The following LIN7A variants were observed in gnomAD, a reference collection of about 807,000 sequenced individuals.
LIN7A encodes the protein protein lin-7 homolog A.
Under a neutral mutation model 29.8 loss-of-function variants are expected in LIN7A, and 25 were observed. That is an observed-to-expected ratio of 0.84 (90% CI 0.61 to 1.17). The LOEUF (loss-of-function observed/expected upper bound fraction) is 1.17. Ranked by LOEUF, LIN7A falls within the 50% of genes most tolerant of loss-of-function variation. The pLI, the probability that LIN7A is intolerant of heterozygous loss-of-function variation, is 0.00. For synonymous variants in LIN7A, 118 were observed against 107.5 expected (o/e 1.10, Z -0.60); for missense variants, 239 against 287.0 (o/e 0.83, Z 1.21).
chr12:80,887,738 T>G (rs766835005), intron 2 of LIN7A, among the ~76,000 whole-genome samples: 4 of 152,138 alleles, frequency 2.6e-5, no homozygotes, highest in Non-Finnish European at 4.4e-5. Context: ...CCCACTAGAC[T>G]GTGAGTTCCA....
At chr12:80,910,567 C>T (rs1182259329) in intron 1 of LIN7A, among the ~76,000 whole-genome samples, 1 of 152,068 alleles carries the variant, frequency 6.6e-6, no homozygotes, top group Admixed American at 6.6e-5. Context: ...TTTTACTTTG[C>T]TAGGTGTTTT....
chr12:80,931,400 G>A (rs1169088757), intron 1 of LIN7A, among the ~76,000 whole-genome samples: 1 of 152,126 alleles, frequency 6.6e-6, no homozygotes, highest in East Asian at 1.9e-4. Context: ...CAGCACTTTG[G>A]GAGGCTGAGG....
intron 4 of LIN7A, chr12:80,832,695 A>G (rs139411412): frequency 1.0e-4 from 44 of 433,848 alleles, no homozygotes; most frequent in African/African-American, 3.8e-4. Flanking sequence ...AGCTACAAAC[A>G]TGTTGATGCT....
intron 1 of LIN7A, among the ~76,000 whole-genome samples, chr12:80,921,697 G>A (rs949774220): frequency 3.3e-5 from 5 of 152,082 alleles, no homozygotes; most frequent in African/African-American, 1.2e-4. Flanking sequence ...TTAGGGGCTA[G>A]GGCTTCAACA....
intron 2 of LIN7A, among the ~76,000 whole-genome samples, chr12:80,859,555 G>A (rs2120391803): frequency 6.6e-6 from 1 of 151,630 alleles, no homozygotes; most frequent in Middle Eastern, 3.4e-3. Flanking sequence ...GAATTTTGAG[G>A]GGCTCCAACA....
intron 2 of LIN7A, among the ~76,000 whole-genome samples, chr12:80,883,861 A>C (rs1312342034): frequency 1.3e-5 from 2 of 152,232 alleles, no homozygotes; most frequent in Non-Finnish European, 2.9e-5. Flanking sequence ...AGAATGTCTC[A>C]CGGTGACCTT....
intron 1 of LIN7A, among the ~76,000 whole-genome samples, chr12:80,933,378 T>C (rs11114658): frequency 0.19 from 28,325 of 152,090 alleles, 2,863 homozygotes; most frequent in East Asian, 0.33. Context: ...GTGGACCTGC[T>C]TTTATGTATA....
intron 5 of LIN7A, among the ~76,000 whole-genome samples, chr12:80,808,066 C>T (rs1425572398): frequency 6.6e-6 from 1 of 152,192 alleles, no homozygotes; most frequent in Non-Finnish European, 1.5e-5. Flanking sequence ...CTATTGACCC[C>T]ATAGCCACCA....
At position 80,811,624 on chromosome 12, in the gene LIN7A, G is replaced by T. The variant is rs781184338; in HGVS notation, c.543C>A (p.Ser181Arg). Residue 181 changes from serine to arginine, a missense_variant, in exon 5 of 6, where the codon AGC becomes AGA. By Grantham distance (110) the Ser-to-Arg change is moderately radical (BLOSUM62 -1). Transcript: ENST00000552864. ...AVELLKAAKD[S>R]VKLVVRYTPK... ...GGGTGTATCGCACCACCAGCTTGAC[G>T]CTGTCTTTAGCAGCCTTGAGTAGTT... 2.5e-6 allele frequency: 4 copies of T among 1,613,844 alleles called. No individual in the cohort carries two copies. The East Asian group carries it at 6.7e-5, about 27-fold the overall frequency.
chr12:80,839,616 T>A (rs939722434), intron 4 of LIN7A, among the ~76,000 whole-genome samples: 22 of 152,364 alleles, frequency 1.4e-4, no homozygotes, highest in African/African-American at 5.0e-4. Context: ...TTTCTCTTTG[T>A]TCCGACACAG....
intron 5 of LIN7A, among the ~76,000 whole-genome samples, chr12:80,799,632 T>C (rs1870619674): frequency 6.6e-6 from 1 of 152,176 alleles, no homozygotes; most frequent in Non-Finnish European, 1.5e-5. Context: ...ATAAAAATGT[T>C]TTGATAAGTT....
chr12:80,887,865 G>A (rs1272637648), intron 2 of LIN7A, among the ~76,000 whole-genome samples: 1 of 152,018 alleles, frequency 6.6e-6, no homozygotes, highest in African/African-American at 2.4e-5. Context: ...AGGCATAGAA[G>A]AGATGGTAGA....
intron 2 of LIN7A, among the ~76,000 whole-genome samples, chr12:80,886,689 A>G (rs1260565892): frequency 6.6e-6 from 1 of 152,140 alleles, no homozygotes; most frequent in Non-Finnish European, 1.5e-5. Context: ...GATAAATTAC[A>G]TCATCTGCTT....
intron 1 of LIN7A, among the ~76,000 whole-genome samples, chr12:80,894,673 T>C (rs893728081): frequency 6.6e-6 from 1 of 152,082 alleles, no homozygotes; most frequent in Non-Finnish European, 1.5e-5. Context: ...TTAAAATCTG[T>C]TTTTTAGTAC....
At chr12:80,838,363 G>C (rs1302089931) in intron 4 of LIN7A, among the ~76,000 whole-genome samples, 1 of 152,180 alleles carries the variant, frequency 6.6e-6, no homozygotes, top group Non-Finnish European at 1.5e-5. Context: ...GTGCTATTGA[G>C]ATAGCACGAT....
chr12:80,837,840 C>CTCATCATCA (rs112671811), intron 4 of LIN7A, among the ~76,000 whole-genome samples: 7 of 150,558 alleles, frequency 4.6e-5, no homozygotes, highest in Admixed American at 1.3e-4. Context: ...CATCATCATC[C>CTCATCATCA]TCATCATCAT....
At chr12:80,920,735 T>C (rs1877258262) in intron 1 of LIN7A, among the ~76,000 whole-genome samples, 1 of 152,170 alleles carries the variant, frequency 6.6e-6, no homozygotes, top group Non-Finnish European at 1.5e-5. Flanking sequence ...TTTAAAGCTC[T>C]GAAAATAATG....
intron 4 of LIN7A, among the ~76,000 whole-genome samples, chr12:80,831,322 T>C (rs892451893): frequency 1.3e-5 from 2 of 152,170 alleles, no homozygotes; most frequent in African/African-American, 4.8e-5. Context: ...GTTAATATAT[T>C]ACTGAAAGCA....
At chr12:80,899,785 T>TTTTTTTTG in intron 1 of LIN7A, among the ~76,000 whole-genome samples, 1 of 144,268 alleles carries the variant, frequency 6.9e-6, no homozygotes, top group African/African-American at 2.5e-5. Context: ...TTTTTTTTTT[T>TTTTTTTTG]TGAGATCGAG....
Sources: gnomAD v4.1 joint callset for allele counts (sites outside exome capture counted in the v4.1 genomes callset) on GRCh38, gnomAD v4.1.1 for gene constraint, MANE v1.5 for transcripts, NCBI Gene and HGNC (gene_info 2026-07-23, HGNC 2026-07-21) for gene names.